MVB12B: variants seen among roughly 807,000 people sequenced by gnomAD.
The protein encoded by MVB12B is ESCRT-I complex subunit MVB12B.
Under a neutral mutation model 41.6 loss-of-function variants are expected in MVB12B, and 16 were observed. That is an observed-to-expected ratio of 0.38 (90% CI 0.26 to 0.58). The LOEUF (loss-of-function observed/expected upper bound fraction) is 0.58. MVB12B is among the 20% of genes least tolerant of loss of function. The pLI is 0.62. For synonymous variants in MVB12B, 133 were observed against 139.7 expected (o/e 0.95, Z 0.34); for missense variants, 274 against 380.2 (o/e 0.72, Z 2.32).
chr9:126,483,909 A>C, intron 8 of MVB12B, 64 bp from the exon 9 acceptor site: 1 of 1,551,268 alleles, frequency 6.4e-7, no homozygotes, highest in East Asian at 2.2e-5. Context: ...TGTCATGCAT[A>C]AAAGTAAGTG....
In MVB12B at chr9:126,408,187, A is replaced by G. The variant is rs554145326; in HGVS notation, c.662+12490A>G. ...AATGCAAATAAGCGTTATTAGCCTA[A>G]TGATTTTGCCGTCGCCATGGTTGTG... On this transcript the variant is annotated intron_variant, in intron 6 of 9. Coordinates refer to ENST00000361171, the MANE Select transcript of MVB12B (RefSeq NM_033446.3). 2.0e-5 allele frequency: 3 copies of G among 152,326 alleles called. No individual in the cohort carries two copies. The East Asian group carries it at 5.8e-4, about 29-fold the overall frequency. 9.4% of individuals were successfully genotyped at this position (152,326 alleles called of 1,614,324 possible). A position where few individuals can be genotyped will look rare whatever the true frequency, so the allele number is the denominator to read the frequency against.
chr9:126,443,958 G>A lies in MVB12B; in HGVS notation c.757+22010G>A, dbSNP rs562386082. On this transcript the variant is annotated intron_variant, in intron 7 of 9. Transcript: ENST00000361171. ...ATGGACTCATACAATATGTAGCTTT[G>A]TGTGTCTCTCAGCATAATATTTTTG... is the stretch of plus-strand genomic sequence containing the variant. Among the ~76,000 whole-genome samples the A allele has an allele frequency of 4.6e-5, 7 of 152,342 alleles. No homozygotes were observed. The Middle Eastern group carries it at 0.014, about 296-fold the overall frequency.
chr9:126,347,985 C>T (rs1307793933), intron 2 of MVB12B, among the ~76,000 whole-genome samples: 25 of 152,204 alleles, frequency 1.6e-4, no homozygotes, highest in Non-Finnish European at 1.0e-4. Context: ...AACTCTGCCT[C>T]CATGAAGCCA....
At position 126,389,053 on chromosome 9, in the gene MVB12B, G is replaced by A. The variant is rs1830874772; in HGVS notation, c.409+2395G>A. Among the ~76,000 whole-genome samples the A allele has an allele frequency of 6.6e-6, 1 of 152,210 alleles. No homozygotes were observed. The highest frequency in any genetic ancestry group is 2.4e-5 in the African/African-American group (1 of 41,452). The stretch of plus-strand genomic sequence containing the variant: ...TTCACTGAGGCTCTGTCCTGTCTGG[G>A]CTTGGGGCCCAGCTGCTGTGGGGCC... On this transcript the variant is annotated intron_variant, in intron 4 of 9. Transcript: ENST00000361171. This position sits in a 1 kb window ranked among gnomAD's most constrained non-coding sequence, Gnocchi z 4.4.
At chr9:126,431,564 C>T (rs1832332407) in intron 7 of MVB12B, among the ~76,000 whole-genome samples, 1 of 152,154 alleles carries the variant, frequency 6.6e-6, no homozygotes, top group East Asian at 1.9e-4. Flanking sequence ...GTGACAGATA[C>T]CTCAGTGCTC....
chr9:126,494,580 G>A (rs1485399188), intron 9 of MVB12B, among the ~76,000 whole-genome samples: 1 of 152,130 alleles, frequency 6.6e-6, no homozygotes, highest in Non-Finnish European at 1.5e-5. Context: ...ATGGTCTCTG[G>A]GAACTTTTGC....
At chr9:126,385,570 A>T (rs1830761117) in intron 3 of MVB12B, among the ~76,000 whole-genome samples, 1 of 152,176 alleles carries the variant, frequency 6.6e-6, no homozygotes. Flanking sequence ...ATGCTTGTCC[A>T]AGGATGCTGA....
At chr9:126,402,214 C>A (rs1831285911) in intron 6 of MVB12B, among the ~76,000 whole-genome samples, 1 of 152,034 alleles carries the variant, frequency 6.6e-6, no homozygotes, top group South Asian at 2.1e-4. Context: ...CCAGGTGATT[C>A]CAATGACTCT....
chr9:126,352,647 G>A (rs929851720), intron 2 of MVB12B, among the ~76,000 whole-genome samples: 20 of 152,118 alleles, frequency 1.3e-4, no homozygotes, highest in South Asian at 4.1e-4. Context: ...CTGGTCAGAC[G>A]GATTATTTCA....
intron 8 of MVB12B, among the ~76,000 whole-genome samples, chr9:126,482,500 C>T (rs556659523): frequency 2.6e-5 from 4 of 152,224 alleles, no homozygotes; most frequent in South Asian, 2.1e-4. Context: ...CAGCCGACTC[C>T]ACGGGGCCGC....
At chr9:126,423,672 A>T (rs1393658321) in intron 7 of MVB12B, among the ~76,000 whole-genome samples, 2 of 152,180 alleles carry the variant, frequency 1.3e-5, no homozygotes, top group African/African-American at 4.8e-5. Flanking sequence ...TTGCTGCCAG[A>T]AATACCCTGC....
intron 1 of MVB12B, chr9:126,335,354 C>T: frequency 7.7e-7 from 1 of 1,304,298 alleles, no homozygotes; most frequent in South Asian, 1.2e-5. Context: ...GCCAGCTGCC[C>T]ATTTAACTGG....
At position 126,392,367 on chromosome 9, in the gene MVB12B, G is replaced by A. The variant is rs115943177; in HGVS notation, c.539+172G>A. On this transcript the variant is annotated intron_variant, in intron 5 of 9. Coordinates refer to ENST00000361171, the MANE Select transcript of MVB12B (RefSeq NM_033446.3). This position sits in a 1 kb window ranked among gnomAD's most constrained non-coding sequence, Gnocchi z 4.8. Reference sequence around the variant, plus strand: ...TCCTGCTCAGCTGCGGTCTCTCTGAGCCTCGGCTCGCACTGCTGACTCCAC... The same window carrying A: ...TCCTGCTCAGCTGCGGTCTCTCTGAACCTCGGCTCGCACTGCTGACTCCAC... Among the ~76,000 whole-genome samples, 80 of 152,316 alleles carry A rather than the reference G, an allele frequency of 5.3e-4. 1 individual carries two copies. The highest frequency in any genetic ancestry group is 1.4e-3 in the African/African-American group (59 of 41,556).
rs185509056 is a variant in MVB12B, at chr9:126,377,659, A to T, written c.205-3405A>T. ...AGGCATTGTGCTTGGCACAGGGGGT[A>T]AAATGGCAAGCAGAACAGGCACTGC... On this transcript the variant is annotated intron_variant, in intron 2 of 9. Coordinates refer to ENST00000361171, the MANE Select transcript of MVB12B (RefSeq NM_033446.3). Among the ~76,000 whole-genome samples the T allele has an allele frequency of 3.6e-4, 55 of 152,118 alleles. 1 individual carries two copies. The East Asian group carries it at 8.4e-3, about 23-fold the overall frequency.
At chr9:126,424,326 C>A (rs895476449) in intron 7 of MVB12B, among the ~76,000 whole-genome samples, 1 of 152,132 alleles carries the variant, frequency 6.6e-6, no homozygotes, top group Non-Finnish European at 1.5e-5. Flanking sequence ...AAGGGTGAGA[C>A]GTGGCACAGA....
intron 9 of MVB12B, among the ~76,000 whole-genome samples, chr9:126,495,503 A>T (rs943830270): frequency 3.3e-5 from 5 of 152,184 alleles, no homozygotes; most frequent in African/African-American, 1.2e-4. Flanking sequence ...AGTACGAGAA[A>T]CGTTTTGCTT....
At chr9:126,434,595 T>A (rs1285884721) in intron 7 of MVB12B, among the ~76,000 whole-genome samples, 1 of 152,240 alleles carries the variant, frequency 6.6e-6, no homozygotes, top group African/African-American at 2.4e-5. Flanking sequence ...CCTATCTTTA[T>A]GTTCCATTGC....
At chr9:126,479,731 G>C (rs1272999691) in intron 7 of MVB12B, among the ~76,000 whole-genome samples, 1 of 152,246 alleles carries the variant, frequency 6.6e-6, no homozygotes, top group Non-Finnish European at 1.5e-5. Flanking sequence ...CCTTCCAAGA[G>C]AGGAGGGCGC....
At chr9:126,359,118 T>C (rs1238104718) in intron 2 of MVB12B, among the ~76,000 whole-genome samples, 1 of 151,898 alleles carries the variant, frequency 6.6e-6, no homozygotes, top group Non-Finnish European at 1.5e-5. Context: ...TGGTATCCAG[T>C]CTCAGCTTCC....
Sources: gnomAD v4.1 joint callset for allele counts (sites outside exome capture counted in the v4.1 genomes callset) on GRCh38, gnomAD v4.1.1 for gene constraint, Gnocchi (gnomAD v3.1) non-coding constraint, MANE v1.5 for transcripts, NCBI Gene and HGNC (gene_info 2026-07-23, HGNC 2026-07-21) for gene names.